The following RNF150 variants were observed in gnomAD, a reference collection of about 807,000 sequenced individuals.
RNF150 encodes the protein ring finger protein 150.
A neutral mutation model predicts 39.3 loss-of-function variants in RNF150; 24 were observed. The ratio of observed to expected loss-of-function variants is 0.61; its 90% CI spans 0.44 to 0.86. RNF150 has a LOEUF of 0.86. Among genes scored for constraint, RNF150 ranks in the 40% least tolerant of loss-of-function variants. RNF150 has a pLI of 0.00. For synonymous variants in RNF150, 255 were observed against 227.3 expected (o/e 1.12, Z -1.10); for missense variants, 502 against 587.8 (o/e 0.85, Z 1.51).
At chr4:141,148,602 G>A (rs866096408) in intron 1 of RNF150, among the ~76,000 whole-genome samples, 1 of 151,906 alleles carries the variant, frequency 6.6e-6, no homozygotes, top group African/African-American at 2.4e-5. Context: ...TACCATACCC[G>A]GCTACTTCTT....
chr4:140,901,898 G>A (rs953664713), intron 6 of RNF150, among the ~76,000 whole-genome samples: 1 of 152,168 alleles, frequency 6.6e-6, no homozygotes, highest in Non-Finnish European at 1.5e-5. Flanking sequence ...GGAGGACGGT[G>A]TACCTGGAAC....
chr4:140,915,531 G>T (rs1273822061), intron 5 of RNF150, among the ~76,000 whole-genome samples: 2 of 152,228 alleles, frequency 1.3e-5, no homozygotes, highest in Non-Finnish European at 2.9e-5. Flanking sequence ...GTATCCATAT[G>T]CCTTCATGCT....
intron 1 of RNF150, among the ~76,000 whole-genome samples, chr4:140,982,183 C>T (rs903931271): frequency 6.6e-6 from 1 of 152,144 alleles, no homozygotes; most frequent in Non-Finnish European, 1.5e-5. Context: ...TACTGATGGA[C>T]TCTGAAGATA....
chr4:141,057,305 A>G (rs988958803), intron 1 of RNF150, among the ~76,000 whole-genome samples: 1 of 151,858 alleles, frequency 6.6e-6, no homozygotes, highest in African/African-American at 2.4e-5. Context: ...AATTAAAATT[A>G]TGTGCATAAT....
intron 5 of RNF150, among the ~76,000 whole-genome samples, chr4:140,913,585 C>G (rs565904511): frequency 1.3e-5 from 2 of 152,304 alleles, no homozygotes; most frequent in African/African-American, 4.8e-5. Context: ...TTTTCTAAGG[C>G]ATGTTCCCTC....
intron 1 of RNF150, among the ~76,000 whole-genome samples, chr4:141,198,416 TCA>T: frequency 6.6e-6 from 1 of 152,368 alleles, no homozygotes; most frequent in East Asian, 1.9e-4. Flanking sequence ...AGAAATGCTT[TCA>T]GTTTGTCTAA....
At chr4:141,016,363 T>C (rs1437390158) in intron 1 of RNF150, among the ~76,000 whole-genome samples, 3 of 152,212 alleles carry the variant, frequency 2.0e-5, no homozygotes, top group African/African-American at 7.2e-5. Context: ...ACCATTGCCA[T>C]GGCAACACCT....
rs983978191 is a variant in RNF150 at position 140,865,552 on chromosome 4, T to A, written c.*2709A>T. 2 of 145,746 alleles carry A rather than the reference T, an allele frequency of 1.4e-5. No individual in the cohort carries two copies. Among genetic ancestry groups the A allele is most frequent in the Middle Eastern group, 7.2e-3 (2 of 276 alleles). 9.0% of individuals were successfully genotyped at this position (145,746 alleles called of 1,614,324 possible). On this transcript the variant is annotated 3_prime_UTR_variant, in exon 7 of 7. Coordinates refer to ENST00000515673, the MANE Select transcript of RNF150 (RefSeq NM_020724.2). ...ACTTTCTGGTTAAGCTTTTTTTTTT[T>A]CTTTTTTTTTTTTTTTTTAAACTAT...
chr4:141,123,689 T>C (rs900912016), intron 1 of RNF150, among the ~76,000 whole-genome samples: 1 of 152,216 alleles, frequency 6.6e-6, no homozygotes, highest in Non-Finnish European at 1.5e-5. Context: ...CTCCTAATGC[T>C]ATCCCTCCCC....
chr4:141,081,676 T>C (rs1738153538), intron 1 of RNF150, among the ~76,000 whole-genome samples: 1 of 152,214 alleles, frequency 6.6e-6, no homozygotes, highest in African/African-American at 2.4e-5. Context: ...GAAATAATAA[T>C]TGAACTATTC....
chr4:140,889,522 T>C (rs929096229), intron 6 of RNF150, among the ~76,000 whole-genome samples: 3 of 152,210 alleles, frequency 2.0e-5, no homozygotes, highest in Non-Finnish European at 2.9e-5. Flanking sequence ...CCTAAATGCT[T>C]CATCTGGGTT....
In RNF150 at chr4:140,947,701, A is replaced by G; in HGVS notation, c.843T>C (p.Cys281=). ...CGTCATTGGGCTTGTACCCTTCAAT[A>G]CAAACTGCACAGTTGTCAAAATCAG... ...TESDFDNCAV[C]IEGYKPNDVV... is the part of the protein sequence containing the mutation. The change falls in exon 4 of 7, where the codon TGT becomes TGC. Residue 281 remains cysteine, a synonymous_variant. Transcript: ENST00000515673. 1 of 1,603,998 alleles carries G rather than the reference A, an allele frequency of 6.2e-7. No homozygotes were observed. The highest frequency in any genetic ancestry group is 8.5e-7 in the Non-Finnish European group (1 of 1,176,384).
At chr4:140,895,349 G>A (rs530338447) in intron 6 of RNF150, among the ~76,000 whole-genome samples, 2 of 152,218 alleles carry the variant, frequency 1.3e-5, no homozygotes, top group African/African-American at 2.4e-5. Flanking sequence ...GTAGAAAATG[G>A]GCATATTATA....
At chr4:141,009,426 C>T (rs545263059) in intron 1 of RNF150, among the ~76,000 whole-genome samples, 2 of 152,280 alleles carry the variant, frequency 1.3e-5, no homozygotes, top group East Asian at 3.9e-4. Flanking sequence ...ATTTAACCTC[C>T]CTATGTCTCA....
intron 1 of RNF150, among the ~76,000 whole-genome samples, chr4:141,033,543 T>C (rs1422150659): frequency 6.6e-6 from 1 of 152,182 alleles, no homozygotes; most frequent in Non-Finnish European, 1.5e-5. Flanking sequence ...TTTAGGATGG[T>C]GAATCCTTTC....
At chr4:141,088,308 C>G (rs1298654149) in intron 1 of RNF150, among the ~76,000 whole-genome samples, 1 of 152,106 alleles carries the variant, frequency 6.6e-6, no homozygotes, top group African/African-American at 2.4e-5. Context: ...CTTCTTCTTA[C>G]TCCATGAAAG....
At chr4:141,043,537 A>G (rs956197526) in intron 1 of RNF150, among the ~76,000 whole-genome samples, 2 of 152,190 alleles carry the variant, frequency 1.3e-5, no homozygotes, top group Non-Finnish European at 1.5e-5. Context: ...GAAGTTCTAT[A>G]TAGGGAGACT....
At chr4:140,963,889 T>C (rs1470082077) in intron 2 of RNF150, among the ~76,000 whole-genome samples, 1 of 152,058 alleles carries the variant, frequency 6.6e-6, no homozygotes, top group African/African-American at 2.4e-5. Context: ...ACTTCTGACA[T>C]TATATATTTT....
At chr4:141,171,510 T>C (rs1560767447) in intron 1 of RNF150, among the ~76,000 whole-genome samples, 3 of 152,138 alleles carry the variant, frequency 2.0e-5, no homozygotes, top group Admixed American at 6.5e-5. Context: ...GGATTCTTAC[T>C]ACTTACTAGT....
Sources: gnomAD v4.1 joint callset for allele counts (sites outside exome capture counted in the v4.1 genomes callset) on GRCh38, gnomAD v4.1.1 for gene constraint, MANE v1.5 for transcripts, NCBI Gene and HGNC (gene_info 2026-07-23, HGNC 2026-07-21) for gene names.